SERTAD2: variants seen among roughly 807,000 people sequenced by gnomAD.
SERTAD2 encodes the protein SERTA domain-containing protein 2.
Under a neutral mutation model 15.4 loss-of-function variants are expected in SERTAD2, and 2 were observed. The observed-to-expected ratio is 0.13, with a 90% CI of 0.05 to 0.41. The LOEUF is 0.41. Among genes scored for constraint, SERTAD2 ranks in the 10% least tolerant of loss-of-function variants. SERTAD2 has a pLI of 0.99. For missense variants in SERTAD2, 333 were observed against 409.7 expected (o/e 0.81, Z 1.62); for synonymous variants, 180 against 178.0 (o/e 1.01, Z -0.09).
chr2:64,646,729 G>T (rs972211669), intron 1 of SERTAD2: 1 of 152,186 alleles, frequency 6.6e-6, no homozygotes, highest in Admixed American at 6.5e-5. Context: ...TATAGGAAAG[G>T]TTGTTTCTCT....
In SERTAD2 at chr2:64,650,584, TATCA is replaced by T. The variant is rs563719802; in HGVS notation, c.-5+3032_-5+3035del. On this transcript the variant is annotated intron_variant, in intron 1 of 1. Coordinates refer to ENST00000313349, the MANE Select transcript of SERTAD2 (RefSeq NM_014755.3). ...ACACAGGGCATAAGTTTGCCTTTAA[TATCA>T]ACTGCACTGGCCATTTGAGACAATC... 3.7e-3 allele frequency among the ~76,000 whole-genome samples: 571 copies of T among 152,302 alleles called. 4 individuals carry two copies. The highest frequency in any genetic ancestry group is 0.012 in the African/African-American group (487 of 41,556).
intron 1 of SERTAD2, among the ~76,000 whole-genome samples, chr2:64,642,062 G>A (rs1573085960): frequency 6.6e-6 from 1 of 152,172 alleles, no homozygotes; most frequent in African/African-American, 2.4e-5. Context: ...TAGGCCGGAG[G>A]ATATCTTTAT....
At chr2:64,639,612 C>T (rs1674728248) in intron 1 of SERTAD2, among the ~76,000 whole-genome samples, 1 of 152,078 alleles carries the variant, frequency 6.6e-6, no homozygotes, top group Non-Finnish European at 1.5e-5. Flanking sequence ...GTCATCAATG[C>T]AGAATTGTCT....
intron 1 of SERTAD2, among the ~76,000 whole-genome samples, chr2:64,650,350 G>T (rs1674983093): frequency 6.6e-6 from 1 of 150,764 alleles, no homozygotes; most frequent in African/African-American, 2.4e-5. Context: ...TGTTTGTCTC[G>T]TGATCTCCGA....
chr2:64,641,141 T>C (rs1674767241), intron 1 of SERTAD2, among the ~76,000 whole-genome samples: 3 of 152,116 alleles, frequency 2.0e-5, no homozygotes, highest in Admixed American at 2.0e-4. Context: ...TAAACACAAC[T>C]CTGTACATGA....
chr2:64,636,137 G>A lies in SERTAD2; in HGVS notation c.735C>T (p.Asp245=), dbSNP rs1255680423. 6.2e-7 allele frequency: 1 copy of A among 1,614,074 alleles called. No individual in the cohort carries two copies. The highest frequency in any genetic ancestry group is 2.2e-5 in the East Asian group (1 of 44,894). ...ACGTATCAATGTCAGCAAACAGGAT[G>A]TCATCCAGGGTCAAGTCTGTCAGGA... is the stretch of plus-strand genomic sequence containing the variant. ...TGFLTDLTLD[D]ILFADIDTSM... Residue 245 remains aspartate, a synonymous_variant, in exon 2 of 2, where the codon GAC becomes GAT. Coordinates refer to ENST00000313349, the MANE Select transcript of SERTAD2 (RefSeq NM_014755.3).
At chr2:64,647,701 A>G (rs1674935184) in intron 1 of SERTAD2, among the ~76,000 whole-genome samples, 1 of 151,840 alleles carries the variant, frequency 6.6e-6, no homozygotes, top group Non-Finnish European at 1.5e-5. Context: ...GACTCAAGAT[A>G]TATGTAAGTC....
At chr2:64,640,573 T>C (rs1674753327) in intron 1 of SERTAD2, among the ~76,000 whole-genome samples, 1 of 151,914 alleles carries the variant, frequency 6.6e-6, no homozygotes. Flanking sequence ...GGGCTGCAAC[T>C]TGAAGATGAA....
At chr2:64,650,789 T>C (rs1349053130) in intron 1 of SERTAD2, among the ~76,000 whole-genome samples, 2 of 152,234 alleles carry the variant, frequency 1.3e-5, no homozygotes, top group East Asian at 1.9e-4. Flanking sequence ...ATGGCACTTT[T>C]AGATTTTCAT....
intron 1 of SERTAD2, among the ~76,000 whole-genome samples, chr2:64,651,157 T>C (rs1675001083): frequency 6.6e-6 from 1 of 152,254 alleles, no homozygotes. Flanking sequence ...ATTCTGTTGA[T>C]ATATGTGAAA....
chr2:64,650,857 T>C (rs1445398933), intron 1 of SERTAD2, among the ~76,000 whole-genome samples: 1 of 152,208 alleles, frequency 6.6e-6, no homozygotes, highest in African/African-American at 2.4e-5. Flanking sequence ...GTCACCCTTA[T>C]TGTGAGGCCA....
At chr2:64,649,533 A>G (rs1157074588) in intron 1 of SERTAD2, among the ~76,000 whole-genome samples, 1 of 152,240 alleles carries the variant, frequency 6.6e-6, no homozygotes, top group Non-Finnish European at 1.5e-5. Flanking sequence ...TCTATGGGAA[A>G]GTCCTTAGAG....
chr2:64,643,433 G>A (rs780152594), intron 1 of SERTAD2, among the ~76,000 whole-genome samples: 9 of 152,216 alleles, frequency 5.9e-5, no homozygotes, highest in Non-Finnish European at 1.3e-4. Flanking sequence ...GCTGGGGCCT[G>A]CCTCATGATG....
chr2:64,642,929 CTT>C (rs144306371), intron 1 of SERTAD2, among the ~76,000 whole-genome samples: 15,189 of 51,028 alleles, frequency 0.3, 1,001 homozygotes, highest in Non-Finnish European at 0.34. Flanking sequence ...CACTGATAGA[CTT>C]TTCTACTCTG....
intron 1 of SERTAD2, among the ~76,000 whole-genome samples, chr2:64,644,232 CT>C (rs1458225942): frequency 6.6e-6 from 1 of 152,158 alleles, no homozygotes; most frequent in Non-Finnish European, 1.5e-5. Flanking sequence ...AGGGGTGCCC[CT>C]GGTAAAATTA....
chr2:64,638,487 A>T lies in SERTAD2; in HGVS notation c.-4-1612T>A, dbSNP rs963060298. ...CTCATACTTTGTCACAAAGCAGGCC[A>T]TGCTGCCCTCAAGGCCAGTATACAG... On this transcript the variant is annotated intron_variant, in intron 1 of 1. Transcript: ENST00000313349. 2.0e-5 allele frequency among the ~76,000 whole-genome samples: 3 copies of T among 152,252 alleles called. No individual in the cohort carries two copies. The South Asian group carries it at 6.2e-4, about 31-fold the overall frequency.
chr2:64,640,710 G>A (rs1358135349), intron 1 of SERTAD2, among the ~76,000 whole-genome samples: 3 of 152,072 alleles, frequency 2.0e-5, no homozygotes, highest in Non-Finnish European at 2.9e-5. Flanking sequence ...TCACCCCGGG[G>A]CTTTGACACT....
At chr2:64,649,149 T>C (rs1197958142) in intron 1 of SERTAD2, among the ~76,000 whole-genome samples, 3 of 152,386 alleles carry the variant, frequency 2.0e-5, no homozygotes, top group South Asian at 2.1e-4. Context: ...TAGGATTTTA[T>C]GCAAACCTGT....
chr2:64,636,515 G>A lies in SERTAD2; in HGVS notation c.357C>T (p.Asp119=), dbSNP rs146201617. 4 of 1,606,826 alleles carry A rather than the reference G, an allele frequency of 2.5e-6. No homozygotes were observed. In the Admixed American group the frequency reaches 5.0e-5, roughly 20 times the overall value. The change falls in exon 2 of 2, where the codon GAC becomes GAT. Residue 119 remains aspartate (D), a synonymous_variant. Transcript: ENST00000313349. ...CCTCCAGGGGCGTAGTGCTTCCGAG[G>A]TCGCAGGGGTGGGAGGACGGGGACG... ...HLASPSSHPC[D]LGSTTPLEAC...
Sources: gnomAD v4.1 joint callset for allele counts (sites outside exome capture counted in the v4.1 genomes callset) on GRCh38, gnomAD v4.1.1 for gene constraint, MANE v1.5 for transcripts, NCBI Gene and HGNC (gene_info 2026-07-23, HGNC 2026-07-21) for gene names.